The following SLC33A1 variants were observed in gnomAD, a reference collection of about 807,000 sequenced individuals.
SLC33A1 encodes the protein solute carrier family 33 member 1.
In SLC33A1, 20 loss-of-function variants were observed where a neutral mutation model predicts 50.0. The observed-to-expected ratio is 0.40, with a 90% CI of 0.28 to 0.58. SLC33A1 has a LOEUF of 0.58. SLC33A1 is among the 20% of genes least tolerant of loss of function. The pLI is 0.44. For synonymous variants in SLC33A1, 265 were observed against 251.8 expected (o/e 1.05, Z -0.50); for missense variants, 476 against 657.0 (o/e 0.72, Z 3.01).
In SLC33A1 at chr3:155,829,608, T is replaced by C. The variant is rs938748798; in HGVS notation, c.1482+80A>G. The C allele has an allele frequency of 8.9e-6, 9 of 1,013,198 alleles. No homozygotes were observed. The African/African-American group carries it at 1.1e-4, about 13-fold the overall frequency. The allele number at this position is 1,013,198 out of a possible 1,614,324, so 62.8% of individuals were successfully genotyped here. A position where few individuals can be genotyped will look rare whatever the true frequency, so the allele number is the denominator to read the frequency against. On this transcript the variant is annotated intron_variant, in intron 5 of 5. Transcript: ENST00000643144. ...GGACAGATATGATTTTTAAAAAAGATATAGTACTTCTAGAGACAAAACAAA... is the reference window on the plus strand; with the variant it reads ...GGACAGATATGATTTTTAAAAAAGACATAGTACTTCTAGAGACAAAACAAA...
chr3:155,836,321 A>T (rs1560015421), intron 2 of SLC33A1, among the ~76,000 whole-genome samples: 2 of 146,214 alleles, frequency 1.4e-5, no homozygotes, highest in African/African-American at 5.2e-5. Flanking sequence ...AAAGGAAAGA[A>T]AGAAAAAAAG....
chr3:155,836,156 C>G (rs150202351), intron 2 of SLC33A1, among the ~76,000 whole-genome samples: 1 of 150,566 alleles, frequency 6.6e-6, no homozygotes, highest in Non-Finnish European at 1.5e-5. Context: ...TGGTGGTATA[C>G]GCCTGTAGTC....
rs543477804 is a variant in SLC33A1 at position 155,848,575 on chromosome 3, G to A, written c.775+4648C>T. Among the ~76,000 whole-genome samples, 14 of 152,206 alleles carry A rather than the reference G, an allele frequency of 9.2e-5. 1 individual carries two copies. The South Asian group carries it at 2.9e-3, about 32-fold the overall frequency. ...TGGGCGCCTGTAGTCCCAGCTACTC[G>A]GGAGGCTGAGGCAGGAGAATGGTGT... is the stretch of plus-strand genomic sequence containing the variant. On this transcript the variant is annotated intron_variant, in intron 1 of 5. Transcript: ENST00000643144.
intron 4 of SLC33A1, among the ~76,000 whole-genome samples, chr3:155,832,106 G>C (rs757233164): frequency 1.3e-5 from 2 of 152,142 alleles, no homozygotes; most frequent in Non-Finnish European, 2.9e-5. Context: ...GGCCAGGCGC[G>C]GTGGCTCATG....
At chr3:155,837,254 G>A (rs924850420) in intron 2 of SLC33A1, among the ~76,000 whole-genome samples, 1 of 151,474 alleles carries the variant, frequency 6.6e-6, no homozygotes, top group Non-Finnish European at 1.5e-5. Flanking sequence ...TACTTGGGAG[G>A]CTGAGGCAGG....
Position 155,826,096 on chromosome 3 carries a change from A to C in SLC33A1, c.*2114T>G, listed in dbSNP as rs543762831. ...TTAAAGATGTACTGACATTAAAACT[A>C]TGTTTGAAGGCTGGGCGCAGTGGCT... On this transcript the variant is annotated 3_prime_UTR_variant, in exon 6 of 6. Transcript: ENST00000643144. The C allele has an allele frequency of 6.6e-6, 1 of 152,298 alleles. No homozygotes were observed. Among genetic ancestry groups the C allele is most frequent in the East Asian group, 1.9e-4 (1 of 5,184 alleles). 9.4% of individuals were successfully genotyped at this position (152,298 alleles called of 1,614,324 possible).
chr3:155,842,200 T>A (rs905260936), intron 2 of SLC33A1, among the ~76,000 whole-genome samples: 9 of 152,214 alleles, frequency 5.9e-5, no homozygotes, highest in Non-Finnish European at 8.8e-5. Flanking sequence ...TACTAACAGT[T>A]CTCCAATGGA....
rs1752254275 is a variant in SLC33A1 at position 155,827,937 on chromosome 3, A to C, written c.*273T>G. 2.8e-6 allele frequency: 1 copy of C among 361,428 alleles called. No individual in the cohort carries two copies. Among genetic ancestry groups the C allele is most frequent in the Non-Finnish European group, 5.1e-6 (1 of 195,246 alleles). 22.4% of individuals were successfully genotyped at this position (361,428 alleles called of 1,614,324 possible). A position where few individuals can be genotyped will look rare whatever the true frequency, so the allele number is the denominator to read the frequency against. On this transcript the variant is annotated 3_prime_UTR_variant, in exon 6 of 6. Transcript: ENST00000643144. ...TTGCAGCTTAAAACATGCTTTGGTC[A>C]GTAAATTTAAAAGATATACATCAAA...
At chr3:155,845,224 A>G (rs1241157920) in intron 1 of SLC33A1, 4 of 152,246 alleles carry the variant, frequency 2.6e-5, no homozygotes, top group Non-Finnish European at 4.4e-5. Flanking sequence ...ACCAATTTTA[A>G]TAAACACAGT....
Position 155,853,929 on chromosome 3 carries a change from C to T in SLC33A1, c.69G>A (p.Leu23=), listed in dbSNP as rs148703776. 1.1e-5 allele frequency: 17 copies of T among 1,539,000 alleles called. No homozygotes were observed. Among genetic ancestry groups the T allele is most frequent in the Non-Finnish European group, 1.7e-6 (2 of 1,148,148 alleles). ...QRRPGNFSHS[L]DMKSGPLPPG... is the part of the protein sequence containing the mutation. ...GCGGCAGGGGACCGCTCTTCATATCCAGAGAGTGACTGAAATTCCCTGGCC... is the reference window on the plus strand; with the variant it reads ...GCGGCAGGGGACCGCTCTTCATATCTAGAGAGTGACTGAAATTCCCTGGCC... Residue 23 remains leucine, a synonymous_variant, in exon 1 of 6, where the codon CTG becomes CTA. Coordinates refer to ENST00000643144, the MANE Select transcript of SLC33A1 (RefSeq NM_004733.4).
At chr3:155,829,667 C>A (rs1254721539) in intron 5 of SLC33A1, 21 bp downstream of exon 5, 2 of 1,539,686 alleles carry the variant, frequency 1.3e-6, no homozygotes, top group Non-Finnish European at 1.8e-6. Context: ...TTAATGTTAT[C>A]TAAAATTAAA....
At position 155,826,215 on chromosome 3, in the gene SLC33A1, CA is replaced by C. The variant is rs1035536148; in HGVS notation, c.*1994del. On this transcript the variant is annotated 3_prime_UTR_variant, in exon 6 of 6. Transcript: ENST00000643144. ...CAGCCTGGCCAACATGGTGAAACCC[CA>C]TCTCTACTAAAAATACAAAAATTAG... is the stretch of plus-strand genomic sequence containing the variant. 2.0e-5 allele frequency: 3 copies of C among 151,890 alleles called. No homozygotes were observed. The highest frequency in any genetic ancestry group is 7.3e-5 in the African/African-American group (3 of 41,354). The allele number at this position is 151,890 out of a possible 1,614,324, so 9.4% of individuals were successfully genotyped here. A position where few individuals can be genotyped will look rare whatever the true frequency, so the allele number is the denominator to read the frequency against.
chr3:155,834,773 C>T (rs1233613702), intron 2 of SLC33A1, among the ~76,000 whole-genome samples: 1 of 152,124 alleles, frequency 6.6e-6, no homozygotes, highest in Non-Finnish European at 1.5e-5. Flanking sequence ...GTATAATTCC[C>T]TGCAGACATC....
intron 2 of SLC33A1, among the ~76,000 whole-genome samples, chr3:155,837,270 G>A (rs1194134839): frequency 6.6e-6 from 1 of 151,152 alleles, no homozygotes; most frequent in African/African-American, 2.4e-5. Context: ...GCAGGAGAAT[G>A]GTGTGAACCC....
rs1251035662 is a variant in SLC33A1, at chr3:155,852,312, T to TA, written c.775+910dup. The stretch of plus-strand genomic sequence containing the variant: ...CCCCCCGACCCCCAACTATCTCAAT[T>TA]AAAAAAAAGAAGAAAAAAGAAAAAA... On this transcript the variant is annotated intron_variant, in intron 1 of 5. Coordinates refer to ENST00000643144, the MANE Select transcript of SLC33A1 (RefSeq NM_004733.4). Among the ~76,000 whole-genome samples the TA allele has an allele frequency of 2.0e-4, 31 of 151,300 alleles. No individual in the cohort carries two copies. The East Asian group carries it at 4.9e-3, about 24-fold the overall frequency.
At chr3:155,849,097 T>G (rs1395575263) in intron 1 of SLC33A1, among the ~76,000 whole-genome samples, 3 of 151,970 alleles carry the variant, frequency 2.0e-5, no homozygotes, top group Non-Finnish European at 4.4e-5. Context: ...GTATTTTTAG[T>G]AGAGCTGGGG....
intron 2 of SLC33A1, among the ~76,000 whole-genome samples, chr3:155,834,686 C>A (rs534671451): frequency 9.2e-5 from 14 of 152,260 alleles, no homozygotes; most frequent in Admixed American, 9.2e-4. Flanking sequence ...AAAAATAGTA[C>A]TTTTACAATA....
Position 155,822,920 on chromosome 3 carries a change from G to A in SLC33A1, c.*5290C>T, listed in dbSNP as rs1377282157. 2.0e-5 allele frequency: 3 copies of A among 151,642 alleles called. No homozygotes were observed. The highest frequency in any genetic ancestry group is 2.1e-4 in the South Asian group (1 of 4,778). The allele number at this position is 151,642 out of a possible 1,614,324, so 9.4% of individuals were successfully genotyped here. A position where few individuals can be genotyped will look rare whatever the true frequency, so the allele number is the denominator to read the frequency against. On this transcript the variant is annotated 3_prime_UTR_variant, in exon 6 of 6. Coordinates refer to ENST00000643144, the MANE Select transcript of SLC33A1 (RefSeq NM_004733.4). ...ATAGAGATGCAGTCTCCCTGGTCTC[G>A]ATCTCCTGAGCTCAAGCAATACTCC...
chr3:155,850,664 T>G (rs1440374236), intron 1 of SLC33A1, among the ~76,000 whole-genome samples: 1 of 151,908 alleles, frequency 6.6e-6, no homozygotes, highest in African/African-American at 2.4e-5. Context: ...CCGCCTAGAC[T>G]GGAATGCAAT....
Sources: gnomAD v4.1 joint callset for allele counts (sites outside exome capture counted in the v4.1 genomes callset) on GRCh38, gnomAD v4.1.1 for gene constraint, MANE v1.5 for transcripts, NCBI Gene and HGNC (gene_info 2026-07-23, HGNC 2026-07-21) for gene names.